GABRB1: variants seen among roughly 807,000 people sequenced by gnomAD.
GABRB1 encodes the protein gamma-aminobutyric acid receptor subunit beta-1.
Under a neutral mutation model 51.6 loss-of-function variants are expected in GABRB1, and 17 were observed. The observed-to-expected ratio is 0.33, with a 90% confidence interval of 0.23 to 0.49. The LOEUF is 0.49. Ranked by LOEUF, GABRB1 falls within the 20% of genes least tolerant of loss-of-function variation. The pLI is 0.99. For synonymous variants in GABRB1, 247 were observed against 218.9 expected (o/e 1.13, Z -1.14); for missense variants, 410 against 600.6 (o/e 0.68, Z 3.32).
At chr4:47,035,807 C>G (rs892052241) in intron 3 of GABRB1, among the ~76,000 whole-genome samples, 5 of 152,180 alleles carry the variant, frequency 3.3e-5, no homozygotes, top group Non-Finnish European at 7.4e-5. Context: ...GGCAAATTTT[C>G]TCTTCGAACA....
At chr4:46,996,858 C>G (rs1379473434) in intron 1 of GABRB1, among the ~76,000 whole-genome samples, 1 of 151,976 alleles carries the variant, frequency 6.6e-6, no homozygotes, top group Non-Finnish European at 1.5e-5. Context: ...ACCTGTTCCT[C>G]TTTTCTTTCA....
intron 3 of GABRB1, among the ~76,000 whole-genome samples, chr4:47,119,900 A>C (rs1475103879): frequency 6.8e-6 from 1 of 147,436 alleles, no homozygotes; most frequent in African/African-American, 2.5e-5. Context: ...AGGCTGTTTC[A>C]AAAAAAAAAG....
At chr4:47,008,505 C>T (rs1010817450) in intron 1 of GABRB1, among the ~76,000 whole-genome samples, 4 of 151,470 alleles carry the variant, frequency 2.6e-5, no homozygotes, top group African/African-American at 9.7e-5. Context: ...CTCTTTTGCC[C>T]CAGCTGGAGT....
In GABRB1 at chr4:47,147,262, A is replaced by G. The variant is rs368960918; in HGVS notation, c.241-13987A>G. On this transcript the variant is annotated intron_variant, in intron 3 of 8. Transcript: ENST00000295454. ...TTCTTCATCTCCCATATCCACAGCA[A>G]CCAATTTAAGTCCATTCTATTTCCT... is the stretch of plus-strand genomic sequence containing the variant. Among the ~76,000 whole-genome samples, 36 of 145,886 alleles carry G rather than the reference A, an allele frequency of 2.5e-4. No individual in the cohort carries two copies. In the South Asian group the frequency reaches 2.7e-3, roughly 11 times the overall value.
At chr4:47,132,134 T>C (rs534546019) in intron 3 of GABRB1, among the ~76,000 whole-genome samples, 3 of 152,330 alleles carry the variant, frequency 2.0e-5, no homozygotes, top group East Asian at 1.9e-4. Flanking sequence ...ACACACTGCA[T>C]TGGGCTCATT....
Position 47,215,334 on chromosome 4 carries a change from A to G in GABRB1, c.461+53865A>G, listed in dbSNP as rs17461253. ...CCTCTACTATATTACAATGAGTTGTATTCAGTATTGCTGTTGCTTTGTATA... is the reference window on the plus strand; with the variant it reads ...CCTCTACTATATTACAATGAGTTGTGTTCAGTATTGCTGTTGCTTTGTATA... On this transcript the variant is annotated intron_variant, in intron 4 of 8. Transcript: ENST00000295454. Among the ~76,000 whole-genome samples, 668 of 152,276 alleles carry G rather than the reference A, an allele frequency of 4.4e-3. 3 individuals are homozygous for G. The highest frequency in any genetic ancestry group is 0.022 in the South Asian group (108 of 4,830).
chr4:47,215,801 G>C (rs1001926695), intron 4 of GABRB1, among the ~76,000 whole-genome samples: 1 of 151,988 alleles, frequency 6.6e-6, no homozygotes, highest in African/African-American at 2.4e-5. Context: ...ACAATGTATA[G>C]ATGCTCAAAC....
chr4:47,042,362 C>A (rs1426693467), intron 3 of GABRB1, among the ~76,000 whole-genome samples: 1 of 126,842 alleles, frequency 7.9e-6, no homozygotes, highest in African/African-American at 2.9e-5. Flanking sequence ...CACTTCATGA[C>A]AAATATCAAT....
In GABRB1 at chr4:46,998,187, G is replaced by GA. The variant is rs1350510080; in HGVS notation, c.-20+4268dup. On this transcript the variant is annotated intron_variant, in intron 1 of 3. Transcript: ENST00000513567. The stretch of plus-strand genomic sequence containing the variant: ...TTTAGATATTTCAGTGCAATTATTT[G>GA]AAAAAAACAAAATTGTGACAATACT... Among the ~76,000 whole-genome samples, 3 of 151,682 alleles carry GA rather than the reference G, an allele frequency of 2.0e-5. No homozygotes were observed. The South Asian group carries it at 6.2e-4, about 31-fold the overall frequency.
At chr4:47,241,371 G>T (rs931066546) in intron 4 of GABRB1, among the ~76,000 whole-genome samples, 1 of 151,900 alleles carries the variant, frequency 6.6e-6, no homozygotes, top group African/African-American at 2.4e-5. Flanking sequence ...AGTCATTATT[G>T]TGTGTTAGCA....
At chr4:47,374,964 C>T (rs917278349) in intron 5 of GABRB1, among the ~76,000 whole-genome samples, 2 of 152,052 alleles carry the variant, frequency 1.3e-5, no homozygotes, top group African/African-American at 4.8e-5. Context: ...GGTTAAGGAT[C>T]CAAAAAATTG....
At chr4:47,235,213 T>A (rs536380240) in intron 4 of GABRB1, among the ~76,000 whole-genome samples, 97 of 152,264 alleles carry the variant, frequency 6.4e-4, no homozygotes, top group African/African-American at 2.2e-3. Flanking sequence ...ATTTAGCAGT[T>A]AAAATTTCCA....
chr4:47,061,368 A>T (rs1243058650), intron 3 of GABRB1, among the ~76,000 whole-genome samples: 1 of 152,196 alleles, frequency 6.6e-6, no homozygotes, highest in Non-Finnish European at 1.5e-5. Context: ...TGAAGATTTG[A>T]TTAAATGGTT....
chr4:47,348,136 G>T (rs1449361786), intron 5 of GABRB1, among the ~76,000 whole-genome samples: 1 of 152,114 alleles, frequency 6.6e-6, no homozygotes, highest in Non-Finnish European at 1.5e-5. Flanking sequence ...TCAAAACACG[G>T]TATTGTAGGT....
At chr4:47,112,591 A>G (rs1715270783) in intron 3 of GABRB1, among the ~76,000 whole-genome samples, 1 of 152,214 alleles carries the variant, frequency 6.6e-6, no homozygotes, top group African/African-American at 2.4e-5. Context: ...ACACCTGAAG[A>G]TGAAAAGGAA....
intron 4 of GABRB1, among the ~76,000 whole-genome samples, chr4:47,206,338 G>T (rs1400789561): frequency 6.6e-6 from 1 of 151,892 alleles, no homozygotes; most frequent in African/African-American, 2.4e-5. Context: ...GGGTAGAAAT[G>T]GATTTCTCTA....
chr4:47,102,444 C>A (rs1714764199), intron 3 of GABRB1, among the ~76,000 whole-genome samples: 2 of 151,788 alleles, frequency 1.3e-5, no homozygotes, highest in Non-Finnish European at 2.9e-5. Context: ...AAATAGAATG[C>A]AATGTGAGTA....
chr4:47,172,270 G>T, intron 4 of GABRB1, among the ~76,000 whole-genome samples: 1 of 152,170 alleles, frequency 6.6e-6, no homozygotes, highest in Non-Finnish European at 1.5e-5. Context: ...GAAAAATATT[G>T]GCTTATTTTT....
chr4:47,085,332 C>A (rs1221916226), intron 3 of GABRB1, among the ~76,000 whole-genome samples: 1 of 152,162 alleles, frequency 6.6e-6, no homozygotes, highest in Non-Finnish European at 1.5e-5. Flanking sequence ...TGTTATTCTA[C>A]TTTAGATTTT....
Sources: gnomAD v4.1 joint callset for allele counts (sites outside exome capture counted in the v4.1 genomes callset) on GRCh38, gnomAD v4.1.1 for gene constraint, MANE v1.5 for transcripts, NCBI Gene and HGNC (gene_info 2026-07-23, HGNC 2026-07-21) for gene names.